GJB6: variants seen among roughly 807,000 people sequenced by gnomAD.
The protein encoded by GJB6 is gap junction protein beta 6.
A neutral mutation model predicts 5.4 loss-of-function variants in GJB6; 5 were observed. That is an observed-to-expected ratio of 0.92 (90% CI 0.48 to 1.93). The LOEUF (loss-of-function observed/expected upper bound fraction) is 1.93, where lower values mean the gene tolerates loss of function less well. Ranked by LOEUF, GJB6 falls within the 30% of genes most tolerant of loss-of-function variation. The pLI is 0.01. For synonymous variants in GJB6, 136 were observed against 129.6 expected, an observed-to-expected ratio of 1.05 and a Z score of -0.34; for missense variants, 298 against 326.9, an observed-to-expected ratio of 0.91 and a Z score of 0.68.
At chr13:20,231,912 G>C (rs1421746370) in intron 1 of GJB6, among the ~76,000 whole-genome samples, 1 of 152,256 alleles carries the variant, frequency 6.6e-6, no homozygotes, top group Admixed American at 6.5e-5. Flanking sequence ...GTCCAGCGCG[G>C]GCGGCGCCCA....
chr13:20,228,630 G>A (rs368010555), intron 4 of GJB6, among the ~76,000 whole-genome samples: 100 of 150,724 alleles, frequency 6.6e-4, no homozygotes, highest in Non-Finnish European at 9.5e-4. Context: ...GACTACAGGC[G>A]CCTGCCACCA....
intron 4 of GJB6, among the ~76,000 whole-genome samples, chr13:20,229,315 A>ATTTTTTTTT (rs60451416): frequency 1.8e-5 from 1 of 55,272 alleles, no homozygotes; most frequent in African/African-American, 6.3e-5. Flanking sequence ...TACCTGGTTA[A>ATTTTTTTTT]TTTTTTTTTT....
Position 20,223,128 on chromosome 13 carries a change from A to G in GJB6, c.353T>C (p.Ile118Thr), listed in dbSNP as rs530181250. 25 of 1,613,832 alleles carry G rather than the reference A, an allele frequency of 1.5e-5. No homozygotes were observed. The highest frequency in any genetic ancestry group is 2.0e-5 in the Non-Finnish European group (24 of 1,179,876). The change falls in exon 5 of 5, where the codon ATA becomes ACA. Residue 118 changes from isoleucine (I) to threonine (T), a missense_variant. Transcript: ENST00000647029. ...AACCTTCTGCTTTTTAATGTCCTCT[A>G]TGTCTTTGAAATCATTCCTCTTCTC... The part of the protein sequence containing the change: ...RGEKRNDFKD[I>T]EDIKKQKVRI...
In GJB6 at chr13:20,222,783, T is replaced by C. The variant is rs764901929; in HGVS notation, c.698A>G (p.Asn233Ser). The change falls in exon 5 of 5, where the codon AAT becomes AGT. Residue 233 changes from asparagine (N) to serine (S), a missense_variant. Transcript: ENST00000647029. ...KRAQTQKNHP[N>S]HALKESKQNE... ...CTGCTTACTCTCCTTTAGGGCATGA[T>C]TGGGGTGATTTTTTTGCGTCTGTGC... 1.2e-6 allele frequency: 2 copies of C among 1,613,936 alleles called. No homozygotes were observed. The highest frequency in any genetic ancestry group is 1.7e-6 in the Non-Finnish European group (2 of 1,179,822).
At chr13:20,225,070 G>A (rs546013164) in intron 4 of GJB6, among the ~76,000 whole-genome samples, 1 of 152,352 alleles carries the variant, frequency 6.6e-6, no homozygotes, top group African/African-American at 2.4e-5. Context: ...ATCTTTTGTA[G>A]ACTTAGAAAG....
In GJB6 at chr13:20,223,421, G is replaced by A. The variant is rs778513540; in HGVS notation, c.60C>T (p.Ile20=). ...IGGVNKHSTS[I]GKVWITVIFI... ...AGATGACTGTGATCCACACCTTCCC[G>A]ATGCTGGTGGAGTGTTTGTTGACAC... The change falls in exon 5 of 5, where the codon ATC becomes ATT. Residue 20 remains isoleucine (I), a synonymous_variant. Coordinates refer to ENST00000647029, the MANE Select transcript of GJB6 (RefSeq NM_001110219.3). 5.8e-4 allele frequency: 935 copies of A among 1,613,960 alleles called. 1 individual carries two copies. Among genetic ancestry groups the A allele is most frequent in the Non-Finnish European group, 7.3e-4 (865 of 1,179,930 alleles).
At chr13:20,229,856 T>C (rs1869964705) in intron 3 of GJB6, 107 bp from the exon 4 acceptor site, 2 of 135,606 alleles carry the variant, frequency 1.5e-5, no homozygotes, top group Admixed American at 1.6e-4. Context: ...TTTTCTTCAT[T>C]CCCAGAACTG....
At chr13:20,228,723 A>G (rs1869817477) in intron 4 of GJB6, among the ~76,000 whole-genome samples, 1 of 151,070 alleles carries the variant, frequency 6.6e-6, no homozygotes, top group Admixed American at 6.6e-5. Flanking sequence ...TGACCTCATG[A>G]TCCGCCCCCC....
At chr13:20,229,314 A>ATTT (rs1566542797) in intron 4 of GJB6, among the ~76,000 whole-genome samples, 1 of 87,336 alleles carries the variant, frequency 1.1e-5, no homozygotes, top group Non-Finnish European at 2.2e-5. Context: ...ATACCTGGTT[A>ATTT]ATTTTTTTTT....
chr13:20,223,538 C>T (rs896026064), intron 4 of GJB6, 43 bp from the exon 5 acceptor site: 1 of 1,489,448 alleles, frequency 6.7e-7, no homozygotes, highest in Admixed American at 1.7e-5. Context: ...GTGGAAGAGG[C>T]CTTGGGAAAG....
rs1030054222 is a variant in GJB6, at chr13:20,222,634, A to C, written c.*61T>G. 13 of 1,432,684 alleles carry C rather than the reference A, an allele frequency of 9.1e-6. 1 individual carries two copies. In the South Asian group the frequency reaches 1.5e-4, roughly 16 times the overall value. 88.7% of individuals were successfully genotyped at this position (1,432,684 alleles called of 1,614,324 possible). A position where few individuals can be genotyped will look rare whatever the true frequency, so the allele number is the denominator to read the frequency against. On this transcript the variant is annotated 3_prime_UTR_variant, in exon 5 of 5. Transcript: ENST00000647029. ...CTACAGAAGGAACTTTCAGGTTGGT[A>C]TTGCCTTCTGGAGAAGACAGAAGTC...
chr13:20,227,875 C>T (rs1869704276), intron 4 of GJB6, among the ~76,000 whole-genome samples: 1 of 152,158 alleles, frequency 6.6e-6, no homozygotes, highest in South Asian at 2.1e-4. Context: ...ACGCAGGAGA[C>T]TCAGCAAGTT....
At chr13:20,229,792 T>TCCCCCCCCCCCCCCCCCCCCCCCCC (rs56771888) in intron 3 of GJB6, 43 bp from the exon 4 acceptor site, 1 of 72,816 alleles carries the variant, frequency 1.4e-5, no homozygotes, top group African/African-American at 4.9e-5. Flanking sequence ...TTCCTTTAAC[T>TCCCCCCCCCCCCCCCCCCCCCCCCC]CCCCCCCCCC....
chr13:20,229,142 A>AT (rs1869868872), intron 4 of GJB6, among the ~76,000 whole-genome samples: 8 of 144,570 alleles, frequency 5.5e-5, no homozygotes, highest in African/African-American at 1.3e-4. Flanking sequence ...AAAAAAAAAA[A>AT]AAAAAAAATT....
chr13:20,222,776 G>A lies in GJB6; in HGVS notation c.705C>T (p.Ala235=), dbSNP rs1869265869. 6.2e-7 allele frequency: 1 copy of A among 1,613,696 alleles called. No homozygotes were observed. Among genetic ancestry groups the A allele is most frequent in the South Asian group, 1.1e-5 (1 of 91,066 alleles). ...AQTQKNHPNH[A]LKESKQNEMN... is the part of the protein sequence containing the mutation. ...TTTCATTCTGCTTACTCTCCTTTAG[G>A]GCATGATTGGGGTGATTTTTTTGCG... The change falls in exon 5 of 5, where the codon GCC becomes GCT. Residue 235 remains alanine, a synonymous_variant. Transcript: ENST00000647029.
At chr13:20,229,315 A>ATTTTT (rs60451416) in intron 4 of GJB6, among the ~76,000 whole-genome samples, 26 of 55,294 alleles carry the variant, frequency 4.7e-4, no homozygotes, top group African/African-American at 1.4e-3. Flanking sequence ...TACCTGGTTA[A>ATTTTT]TTTTTTTTTT....
chr13:20,223,739 G>A (rs1276601423), intron 4 of GJB6, among the ~76,000 whole-genome samples: 1 of 152,110 alleles, frequency 6.6e-6, no homozygotes, highest in Non-Finnish European at 1.5e-5. Flanking sequence ...GCAGAGGCGG[G>A]CAGATCATGA....
chr13:20,225,027 A>G (rs1283094572), intron 4 of GJB6, among the ~76,000 whole-genome samples: 1 of 152,244 alleles, frequency 6.6e-6, no homozygotes, highest in African/African-American at 2.4e-5. Context: ...CCTTGGCCTC[A>G]GAGTGGGGTG....
chr13:20,227,642 T>G (rs1168636982), intron 4 of GJB6, among the ~76,000 whole-genome samples: 2 of 152,128 alleles, frequency 1.3e-5, no homozygotes, highest in African/African-American at 4.8e-5. Flanking sequence ...CCTGAGGGGC[T>G]CACCAACCAG....
Sources: allele counts gnomAD v4.1 joint callset (sites outside exome capture counted in the v4.1 genomes callset), GRCh38; gene constraint gnomAD v4.1.1; transcripts MANE v1.5; gene names NCBI Gene and HGNC (gene_info 2026-07-23, HGNC 2026-07-21).